The following PTPRG variants were observed in gnomAD, a reference collection of about 807,000 sequenced individuals.
PTPRG encodes receptor-type tyrosine-protein phosphatase gamma.
A neutral mutation model predicts 165.3 loss-of-function variants in PTPRG; 102 were observed. The ratio of observed to expected loss-of-function variants is 0.62; its 90% CI spans 0.53 to 0.73. The LOEUF is 0.73. PTPRG is among the 30% of genes least tolerant of loss of function. PTPRG has a pLI of 0.00. For synonymous variants in PTPRG, 675 were observed against 669.5 expected (o/e 1.01, Z -0.13); for missense variants, 1,866 against 1,861.4 (o/e 1.00, Z -0.05).
Position 62,203,218 on chromosome 3 carries a change from T to C in PTPRG, c.1423T>C (p.Ser475Pro). 6.2e-7 allele frequency: 1 copy of C among 1,612,060 alleles called. No individual in the cohort carries two copies. The stretch of plus-strand genomic sequence containing the variant: ...TTCAGCCGACATGGCCCCCATCAGC[T>C]CGGGGTCTTCTACCTGGACGTCCTC... ...ASSADMAPIS[S>P]GSSTWTSSGI... Residue 475 changes from serine to proline, a missense_variant, in exon 12 of 30, where the codon TCG becomes CCG. Ser to Pro is a moderately conservative substitution (Grantham distance 74, BLOSUM62 -1). Around this residue, in one of 3 missense-constraint regions of PTPRG, gnomAD observed 1,452 missense variants for 1,463.0 expected, o/e 0.99. Transcript: ENST00000474889. This position sits in a 1 kb window ranked among gnomAD's most constrained non-coding sequence, Gnocchi z 6.4.
intron 2 of PTPRG, among the ~76,000 whole-genome samples, chr3:61,936,024 T>C (rs956520348): frequency 2.6e-5 from 4 of 152,202 alleles, no homozygotes; most frequent in Admixed American, 2.0e-4. Context: ...GAGATTAAAG[T>C]TGAATGAAGT....
rs866120440 is a variant in PTPRG, at chr3:62,190,113, G to A, written c.1034-1356G>A. On this transcript the variant is annotated intron_variant, in intron 8 of 29. Coordinates refer to ENST00000474889, the MANE Select transcript of PTPRG (RefSeq NM_002841.4). The surrounding 1 kb of genome is among the most constrained non-coding windows in gnomAD (Gnocchi z 5.2). ...GGCTCTGCGCATGGGATTCTTTGGT[G>A]AGCCTCCATCTCTTAGAGTGGAGGT... 2.6e-5 allele frequency among the ~76,000 whole-genome samples: 4 copies of A among 152,154 alleles called. No individual in the cohort carries two copies. Among genetic ancestry groups the A allele is most frequent in the Middle Eastern group, 3.2e-3 (1 of 316 alleles).
At chr3:61,645,062 T>TA (rs1296326088) in intron 1 of PTPRG, among the ~76,000 whole-genome samples, 5 of 152,038 alleles carry the variant, frequency 3.3e-5, no homozygotes, top group African/African-American at 9.7e-5. Flanking sequence ...CTAAGAACAT[T>TA]AAAAAAATCT....
chr3:62,201,442 G>T, intron 10 of PTPRG, 63 bp from the exon 11 acceptor site: 3 of 1,268,362 alleles, frequency 2.4e-6, no homozygotes, highest in Non-Finnish European at 2.2e-6. Flanking sequence ...TGTTCATAAG[G>T]AATATCTTGT....
intron 7 of PTPRG, among the ~76,000 whole-genome samples, chr3:62,159,283 A>G: frequency 6.6e-6 from 1 of 152,076 alleles, no homozygotes; most frequent in East Asian, 1.9e-4. Flanking sequence ...GTGAACTGTG[A>G]TCATGCCACT....
chr3:61,713,705 C>T (rs1291104706), intron 1 of PTPRG, among the ~76,000 whole-genome samples: 2 of 152,142 alleles, frequency 1.3e-5, no homozygotes, highest in Non-Finnish European at 2.9e-5. Context: ...CAGCATTCAG[C>T]AGTTAACATC....
chr3:62,060,465 C>T (rs927115886), intron 4 of PTPRG, among the ~76,000 whole-genome samples: 1 of 152,158 alleles, frequency 6.6e-6, no homozygotes, highest in Non-Finnish European at 1.5e-5. Flanking sequence ...GAGCAAGAAG[C>T]GTTCTCTTTC....
intron 2 of PTPRG, among the ~76,000 whole-genome samples, chr3:61,862,879 A>T (rs569606921): frequency 6.6e-6 from 1 of 152,314 alleles, no homozygotes; most frequent in South Asian, 2.1e-4. Context: ...GAAGGTTCCA[A>T]GTCCCTCCTA....
intron 8 of PTPRG, among the ~76,000 whole-genome samples, chr3:62,177,547 C>T (rs564022438): frequency 5.3e-5 from 8 of 152,288 alleles, no homozygotes; most frequent in Non-Finnish European, 5.9e-5. Flanking sequence ...CCAGGCTGTT[C>T]GAACTTGTCA....
At chr3:61,591,016 G>A (rs1478148219) in intron 1 of PTPRG, among the ~76,000 whole-genome samples, 1 of 152,194 alleles carries the variant, frequency 6.6e-6, no homozygotes, top group Middle Eastern at 3.2e-3. Flanking sequence ...AGGCTGAGGT[G>A]AGAGAATTGC....
chr3:62,150,595 T>C (rs1377557777), intron 6 of PTPRG, among the ~76,000 whole-genome samples: 2 of 152,138 alleles, frequency 1.3e-5, no homozygotes, highest in South Asian at 4.1e-4. Flanking sequence ...CCTTCCCTCC[T>C]TGCATAACAC....
At chr3:62,013,958 A>G (rs2041484431) in intron 4 of PTPRG, among the ~76,000 whole-genome samples, 1 of 152,170 alleles carries the variant, frequency 6.6e-6, no homozygotes, top group Non-Finnish European at 1.5e-5. Flanking sequence ...TCAGGCCGCC[A>G]GATCAGATGT....
At chr3:62,009,292 C>T (rs2041364085) in intron 4 of PTPRG, among the ~76,000 whole-genome samples, 1 of 152,118 alleles carries the variant, frequency 6.6e-6, no homozygotes, top group Admixed American at 6.5e-5. Flanking sequence ...GGATGTGTCC[C>T]AGTACTTCTC....
At chr3:61,907,323 C>T (rs758872416) in intron 2 of PTPRG, among the ~76,000 whole-genome samples, 15 of 152,154 alleles carry the variant, frequency 9.9e-5, no homozygotes, top group Non-Finnish European at 2.2e-4. Context: ...TCCAAAGGCA[C>T]ATGGTCTCTC....
Position 62,281,551 on chromosome 3 carries a change from T to TTTTTTTTTTTTTTTTTTTTTTTTG in PTPRG, c.3766-12_3766-11insTTTTTTTTTTTTTTTTTTTTTTTG. 2.0e-6 allele frequency: 3 copies of TTTTTTTTTTTTTTTTTTTTTTTTG among 1,466,122 alleles called. 1 individual carries two copies. The South Asian group carries it at 4.1e-5, about 20-fold the overall frequency. The allele number at this position is 1,466,122 out of a possible 1,614,324, so 90.8% of individuals were successfully genotyped here. A position where few individuals can be genotyped will look rare whatever the true frequency, so the allele number is the denominator to read the frequency against. ...GAACTGCAGAGGCTTTTTTTTTTTT[T>TTTTTTTTTTTTTTTTTTTTTTTTG]GGATTCCAAAGGCAGAAGATGAGTT... On this transcript the variant is annotated splice_polypyrimidine_tract_variant and intron_variant, in intron 26 of 29. Coordinates refer to ENST00000474889, the MANE Select transcript of PTPRG (RefSeq NM_002841.4).
At position 62,191,503 on chromosome 3, in the gene PTPRG, G is replaced by A. The variant is rs1699818806; in HGVS notation, c.1068G>A (p.Gln356=). The A allele has an allele frequency of 8.1e-6, 13 of 1,614,106 alleles. No individual in the cohort carries two copies. The highest frequency in any genetic ancestry group is 1.1e-5 in the Non-Finnish European group (13 of 1,180,006). ...CSSPPIHMKV[Q]PLNQTALQVS... is the part of the protein sequence containing the mutation. ...CTCCACCCATCCACATGAAGGTGCA[G>A]CCTCTGAACCAGACGGCACTGCAGG... Residue 356 remains glutamine (Q), a synonymous_variant, in exon 9 of 30, where the codon CAG becomes CAA. Coordinates refer to ENST00000474889, the MANE Select transcript of PTPRG (RefSeq NM_002841.4).
At chr3:61,759,302 G>A (rs780948132) in intron 2 of PTPRG, among the ~76,000 whole-genome samples, 1 of 152,130 alleles carries the variant, frequency 6.6e-6, no homozygotes, top group Non-Finnish European at 1.5e-5. Flanking sequence ...GCCTTCTTGA[G>A]AAATGCTTTC....
chr3:62,087,441 A>C (rs1404022151), intron 5 of PTPRG, among the ~76,000 whole-genome samples: 3 of 152,242 alleles, frequency 2.0e-5, no homozygotes, highest in Non-Finnish European at 4.4e-5. Flanking sequence ...AGATGTTTCT[A>C]AATAGAATAC....
chr3:61,587,197 G>C (rs1416566527), intron 1 of PTPRG, among the ~76,000 whole-genome samples: 2 of 152,186 alleles, frequency 1.3e-5, no homozygotes, highest in East Asian at 3.8e-4. Context: ...TGTGTATAAA[G>C]GGCTTTTAAC....
Sources: gnomAD v4.1 joint callset for allele counts (sites outside exome capture counted in the v4.1 genomes callset) on GRCh38, gnomAD v4.1.1 for gene constraint, gnomAD v4.1.1 regional missense constraint, Gnocchi (gnomAD v3.1) non-coding constraint, MANE v1.5 for transcripts, NCBI Gene and HGNC (gene_info 2026-07-23, HGNC 2026-07-21) for gene names.